The following FXN variants were observed in gnomAD, a reference collection of about 807,000 sequenced individuals.
The protein encoded by FXN is frataxin.
Under a neutral mutation model 22.4 loss-of-function variants are expected in FXN, and 14 were observed. The observed-to-expected ratio is 0.62, with a 90% confidence interval of 0.41 to 0.98. The LOEUF (loss-of-function observed/expected upper bound fraction) is 0.98. Ranked by LOEUF, FXN falls within the 50% of genes least tolerant of loss-of-function variation. The pLI, the probability that FXN is intolerant of heterozygous loss-of-function variation, is 0.00. For synonymous variants in FXN, 120 were observed against 114.1 expected (o/e 1.05, Z -0.33); for missense variants, 267 against 268.4 (o/e 0.99, Z 0.04).
At chr9:69,046,013 C>A (rs1831745809) in intron 1 of FXN, among the ~76,000 whole-genome samples, 2 of 152,186 alleles carry the variant, frequency 1.3e-5, no homozygotes, top group African/African-American at 4.8e-5. Flanking sequence ...GCCAGGCCAC[C>A]ACCCACTGGA....
At position 69,065,072 on chromosome 9, in the gene FXN, C is replaced by G. The variant is rs776860998; in HGVS notation, c.482+37C>G. 3.4e-6 allele frequency: 5 copies of G among 1,474,712 alleles called. No individual in the cohort carries two copies. In the South Asian group the frequency reaches 5.7e-5, roughly 17 times the overall value. The allele number at this position is 1,474,712 out of a possible 1,614,324, so 91.4% of individuals were successfully genotyped here. ...TGTTCAGAAGTCAACATATGTAATT[C>G]TTAAAGACTTCCGAAATGTGACATT... On this transcript the variant is annotated intron_variant, in intron 4 of 4. Coordinates refer to ENST00000484259, the MANE Select transcript of FXN (RefSeq NM_000144.5).
At position 69,075,512 on chromosome 9, in the gene FXN, G is replaced by A; in HGVS notation, c.*2750G>A. On this transcript the variant is annotated 3_prime_UTR_variant, in exon 5 of 5. Transcript: ENST00000484259. ...CTTCAAACACATGAACAGCAGCCAG[G>A]GGAAGAATCAAAATCATATTCTGTC... The A allele has an allele frequency of 1.0e-6, 1 of 984,732 alleles. No homozygotes were observed. The highest frequency in any genetic ancestry group is 1.2e-6 in the Non-Finnish European group (1 of 829,564). 61.0% of individuals were successfully genotyped at this position (984,732 alleles called of 1,614,324 possible). A position where few individuals can be genotyped will look rare whatever the true frequency, so the allele number is the denominator to read the frequency against.
intron 1 of FXN, among the ~76,000 whole-genome samples, chr9:69,045,180 T>C (rs1465214108): frequency 6.6e-6 from 1 of 151,882 alleles, no homozygotes; most frequent in Non-Finnish European, 1.5e-5. Flanking sequence ...TAAATTTAAA[T>C]GTAAATAGCT....
chr9:69,042,696 A>ACG (rs1035484585), intron 1 of FXN, among the ~76,000 whole-genome samples: 2 of 152,146 alleles, frequency 1.3e-5, no homozygotes, highest in African/African-American at 4.8e-5. Context: ...AATTAAACAC[A>ACG]CACACACACA....
In FXN at chr9:69,053,519, A is replaced by G. The variant is rs200173130; in HGVS notation, c.384+259A>G. Among the ~76,000 whole-genome samples, 534 of 91,322 alleles carry G rather than the reference A, an allele frequency of 5.8e-3. 1 individual carries two copies. The highest frequency in any genetic ancestry group is 0.012 in the Middle Eastern group (2 of 166). The allele number at this position is 91,322 out of a possible 152,430, so 59.9% of individuals were successfully genotyped here. ...TGGATGGATGGATGGATAGATAGATAGATAGATAGATAGATAGCTGGATAG... is the reference window on the plus strand; with the variant it reads ...TGGATGGATGGATGGATAGATAGATGGATAGATAGATAGATAGCTGGATAG... On this transcript the variant is annotated intron_variant, in intron 3 of 4. Coordinates refer to ENST00000484259, the MANE Select transcript of FXN (RefSeq NM_000144.5).
In FXN at chr9:69,076,264, G is replaced by A. The variant is rs1832366717; in HGVS notation, c.*3502G>A. 1 of 981,616 alleles carries A rather than the reference G, an allele frequency of 1.0e-6. No individual in the cohort carries two copies. The highest frequency in any genetic ancestry group is 1.1e-4 in the East Asian group (1 of 8,698). The allele number at this position is 981,616 out of a possible 1,614,324, so 60.8% of individuals were successfully genotyped here. The stretch of plus-strand genomic sequence containing the variant: ...AAAATGGAGATATCTAACATGTTGA[G>A]CCTGGGCCCACAGGCAAAGCACAAT... On this transcript the variant is annotated 3_prime_UTR_variant, in exon 5 of 5. Coordinates refer to ENST00000484259, the MANE Select transcript of FXN (RefSeq NM_000144.5).
intron 3 of FXN, among the ~76,000 whole-genome samples, chr9:69,060,075 A>G (rs1402409738): frequency 4.6e-5 from 7 of 152,220 alleles, no homozygotes; most frequent in Non-Finnish European, 1.0e-4. Flanking sequence ...GGAGGAGTCA[A>G]TAAGACTCAC....
Position 69,077,665 on chromosome 9 carries a change from C to T in FXN, c.*4903C>T, listed in dbSNP as rs1832394603. 2.0e-6 allele frequency: 2 copies of T among 984,766 alleles called. No individual in the cohort carries two copies. The highest frequency in any genetic ancestry group is 2.4e-6 in the Non-Finnish European group (2 of 829,314). 61.0% of individuals were successfully genotyped at this position (984,766 alleles called of 1,614,324 possible). A position where few individuals can be genotyped will look rare whatever the true frequency, so the allele number is the denominator to read the frequency against. ...TAGCTCCTGGCCAGACACGGTGGCT[C>T]ACACCTGTAATCCCAGCACTTTGAG... is the stretch of plus-strand genomic sequence containing the variant. On this transcript the variant is annotated 3_prime_UTR_variant, in exon 5 of 5. Transcript: ENST00000484259.
rs1832366812 is a variant in FXN at position 69,076,277 on chromosome 9, G to A, written c.*3515G>A. The A allele has an allele frequency of 4.1e-6, 4 of 984,068 alleles. No homozygotes were observed. The Admixed American group carries it at 1.9e-4, about 46-fold the overall frequency. The allele number at this position is 984,068 out of a possible 1,614,324, so 61.0% of individuals were successfully genotyped here. On this transcript the variant is annotated 3_prime_UTR_variant, in exon 5 of 5. Transcript: ENST00000484259. ...CTAACATGTTGAGCCTGGGCCCACA[G>A]GCAAAGCACAATCCTGATGTGAGAA...
At chr9:69,052,843 T>G (rs1831878421) in intron 2 of FXN, among the ~76,000 whole-genome samples, 1 of 151,930 alleles carries the variant, frequency 6.6e-6, no homozygotes, top group South Asian at 2.1e-4. Context: ...CGCCCGGCCT[T>G]TAAATTTTTA....
intron 3 of FXN, among the ~76,000 whole-genome samples, chr9:69,061,075 C>T (rs1564336414): frequency 6.6e-6 from 1 of 152,152 alleles, no homozygotes; most frequent in Non-Finnish European, 1.5e-5. Context: ...GTGAAAATAG[C>T]TTGAGAGCTG....
chr9:69,067,190 G>A (rs1475451359), intron 4 of FXN, among the ~76,000 whole-genome samples: 1 of 152,226 alleles, frequency 6.6e-6, no homozygotes, highest in Non-Finnish European at 1.5e-5. Flanking sequence ...TAACACAGCC[G>A]TCCCGCTCCG....
At chr9:69,063,735 G>A (rs565265168) in intron 3 of FXN, among the ~76,000 whole-genome samples, 1 of 152,088 alleles carries the variant, frequency 6.6e-6, no homozygotes, top group South Asian at 2.1e-4. Flanking sequence ...CCAGTCTGGT[G>A]TGTAGTGGTG....
rs570792069 is a variant in FXN at position 69,077,437 on chromosome 9, G to T, written c.*4675G>T. 1 of 985,412 alleles carries T rather than the reference G, an allele frequency of 1.0e-6. No homozygotes were observed. The highest frequency in any genetic ancestry group is 6.1e-5 in the Admixed American group (1 of 16,266). 61.0% of individuals were successfully genotyped at this position (985,412 alleles called of 1,614,324 possible). On this transcript the variant is annotated 3_prime_UTR_variant, in exon 5 of 5. Coordinates refer to ENST00000484259, the MANE Select transcript of FXN (RefSeq NM_000144.5). Reference sequence around the variant, plus strand: ...AGATTTATTGAAATGTTTATTAGCTGAAGATTTATTTAGACAGTTGAGGAA... The same window carrying T: ...AGATTTATTGAAATGTTTATTAGCTTAAGATTTATTTAGACAGTTGAGGAA...
rs1342058618 is a variant in FXN, at chr9:69,077,813, C to G, written c.*5051C>G. 1 of 614,800 alleles carries G rather than the reference C, an allele frequency of 1.6e-6. No homozygotes were observed. The highest frequency in any genetic ancestry group is 2.0e-5 in the African/African-American group (1 of 49,664). 38.1% of individuals were successfully genotyped at this position (614,800 alleles called of 1,614,324 possible). A position where few individuals can be genotyped will look rare whatever the true frequency, so the allele number is the denominator to read the frequency against. On this transcript the variant is annotated 3_prime_UTR_variant, in exon 5 of 5. Transcript: ENST00000484259. ...GCCGTAGTGGCGCACGCCTGTTATC[C>G]CAGCTACTCGGGAGGCTGAGGCAGG...
At chr9:69,070,579 G>T (rs1278804291) in intron 4 of FXN, among the ~76,000 whole-genome samples, 1 of 152,208 alleles carries the variant, frequency 6.6e-6, no homozygotes, top group South Asian at 2.1e-4. Flanking sequence ...CAGTGCTGCT[G>T]CCTTTAAAGC....
At chr9:69,072,285 C>A (rs1028908594) in intron 4 of FXN, among the ~76,000 whole-genome samples, 12 of 152,188 alleles carry the variant, frequency 7.9e-5, no homozygotes, top group African/African-American at 2.2e-4. Context: ...CAAAAATGGC[C>A]CTAATTTTTA....
At chr9:69,061,898 T>C (rs1832080819) in intron 3 of FXN, among the ~76,000 whole-genome samples, 2 of 152,302 alleles carry the variant, frequency 1.3e-5, no homozygotes, top group Admixed American at 6.5e-5. Flanking sequence ...GGTGTATATG[T>C]GCCACATTTT....
intron 1 of FXN, among the ~76,000 whole-genome samples, chr9:69,042,983 C>T (rs1404080064): frequency 6.6e-6 from 1 of 152,228 alleles, no homozygotes; most frequent in African/African-American, 2.4e-5. Context: ...GTTTCCTCAT[C>T]TGTAAAACAC....
Sources: allele counts gnomAD v4.1 joint callset (sites outside exome capture counted in the v4.1 genomes callset), GRCh38; gene constraint gnomAD v4.1.1; transcripts MANE v1.5; gene names NCBI Gene and HGNC (gene_info 2026-07-23, HGNC 2026-07-21).